Variants in CCDC9 observed in about 807,000 individuals in gnomAD.
CCDC9 encodes the protein coiled-coil domain-containing protein 9.
CCDC9 carries 52 observed loss-of-function variants against 65.6 expected under a neutral mutation model. That is an observed-to-expected ratio of 0.79 (90% CI 0.63 to 1.00). The LOEUF is 1.00. Ranked by LOEUF, CCDC9 falls within the 50% of genes least tolerant of loss-of-function variation. The pLI, the probability that CCDC9 is intolerant of heterozygous loss-of-function variation, is 0.00. For missense variants in CCDC9, 834 were observed against 757.2 expected, an observed-to-expected ratio of 1.10 and a Z score of -1.19; for synonymous variants, 332 against 280.3, an observed-to-expected ratio of 1.18 and a Z score of -1.84.
At chr19:47,275,081 C>T (rs540863961), downstream of CCDC9, 11 of 1,496,350 alleles carry the variant, frequency 7.4e-6, no homozygotes, top group South Asian at 3.8e-5. Flanking sequence ...ACGGTCTCAT[C>T]TGGGTACCCA....
rs771223569 is a variant in CCDC9 at position 47,271,611 on chromosome 19, C to T, written c.1529C>T (p.Ser510Phe). The change falls in exon 12 of 12, where the codon TCT becomes TTT. Residue 510 changes from serine to phenylalanine, a missense_variant. Ser to Phe is a radical substitution (Grantham distance 155). Transcript: ENST00000221922. Reference sequence around the variant, plus strand: ...TGGGGTGAAGAGGTGGAGCTGAATTCTCCCCGGACCACTCACCTGGCTGGC... The same window carrying T: ...TGGGGTGAAGAGGTGGAGCTGAATTTTCCCCGGACCACTCACCTGGCTGGC... ...SDWGEEVELN[S>F]PRTTHLAGAL... 1.9e-6 allele frequency: 3 copies of T among 1,610,972 alleles called. No individual in the cohort carries two copies. Among genetic ancestry groups the T allele is most frequent in the Middle Eastern group, 1.9e-4 (1 of 5,300 alleles).
downstream of CCDC9, chr19:47,275,273 C>T (rs1416131994): frequency 1.9e-6 from 3 of 1,544,042 alleles, no homozygotes; most frequent in East Asian, 7.5e-5. Context: ...GCCGCTACAG[C>T]GACCCTGACC....
chr19:47,263,229 G>A (rs1162870431), intron 5 of CCDC9, among the ~76,000 whole-genome samples: 4 of 152,114 alleles, frequency 2.6e-5, no homozygotes, highest in Non-Finnish European at 5.9e-5. Flanking sequence ...CTATGATTGC[G>A]GCAACCTTGG....
intron 8 of CCDC9, among the ~76,000 whole-genome samples, chr19:47,270,150 G>A (rs145833868): frequency 6.9e-4 from 105 of 152,034 alleles, no homozygotes; most frequent in African/African-American, 2.3e-3. Context: ...TGTATTTTTT[G>A]TAGAGGTGGG....
chr19:47,270,585 C>G lies in CCDC9; in HGVS notation c.982C>G (p.Pro328Ala), dbSNP rs762896813. ...GGCCTGGGCCCGGCCCCCGAAGCCC[C>G]CTACTTTTGGGGAGTTCCTGTCCCA... Reference protein sequence around the residue: ...DQAWARPPKPPTFGEFLSQHK... With the variant: ...DQAWARPPKPATFGEFLSQHK... The change falls in exon 10 of 12, where the codon CCT (proline) becomes GCT (alanine). Residue 328 changes from proline (P) to alanine (A), a missense_variant. By Grantham distance (27) the Pro-to-Ala change is conservative. Coordinates refer to ENST00000221922, the MANE Select transcript of CCDC9 (RefSeq NM_015603.3). 1.9e-6 allele frequency: 3 copies of G among 1,613,878 alleles called. No individual in the cohort carries two copies. Among genetic ancestry groups the G allele is most frequent in the Middle Eastern group, 1.7e-4 (1 of 5,806 alleles).
chr19:47,273,367 C>G (rs1296803329), downstream of CCDC9: 6 of 1,231,866 alleles, frequency 4.9e-6, no homozygotes, highest in Non-Finnish European at 6.1e-6. Flanking sequence ...AGGCAGGCCC[C>G]GAAGGCCAGG....
At chr19:47,273,351 C>T (rs1234100982), downstream of CCDC9, 8 of 1,231,594 alleles carry the variant, frequency 6.5e-6, no homozygotes, top group East Asian at 9.5e-5. Flanking sequence ...CCCCTTCTCT[C>T]CTCAGAGGCA....
At chr19:47,263,650 C>G (rs1270664102) in intron 5 of CCDC9, among the ~76,000 whole-genome samples, 1 of 152,072 alleles carries the variant, frequency 6.6e-6, no homozygotes, top group Non-Finnish European at 1.5e-5. Flanking sequence ...ACTGCAACCT[C>G]CGCCTTTTGG....
intron 5 of CCDC9, among the ~76,000 whole-genome samples, chr19:47,263,605 G>T (rs2059059851): frequency 6.6e-6 from 1 of 152,112 alleles, no homozygotes. Flanking sequence ...CACTCTTGTT[G>T]CCCAGGCTGG....
chr19:47,258,732 C>G, intron 3 of CCDC9, 69 bp downstream of exon 3: 1 of 1,203,904 alleles, frequency 8.3e-7, no homozygotes, highest in Non-Finnish European at 1.2e-6. Context: ...TCACCTCTCC[C>G]TTCCTTAAAA....
rs777804999 is a variant in CCDC9 at position 47,271,086 on chromosome 19, C to A, written c.1090C>A (p.His364Asn). Residue 364 changes from histidine (H) to asparagine (N), a missense_variant, in exon 11 of 12, where the codon CAT becomes AAT. By Grantham distance (68) the His-to-Asn change is moderately conservative (BLOSUM62 1). Coordinates refer to ENST00000221922, the MANE Select transcript of CCDC9 (RefSeq NM_015603.3). ...AKAAPRAYSD[H>N]DDRWETKEGA... ...CCCTCCCTCTGTTCCCTCTAGTGAC[C>A]ATGATGACCGCTGGGAGACAAAAGA... 6.5e-7 allele frequency: 1 copy of A among 1,549,954 alleles called. No homozygotes were observed. The highest frequency in any genetic ancestry group is 8.7e-7 in the Non-Finnish European group (1 of 1,148,322).
chr19:47,270,800 T>A (rs2059111888), intron 10 of CCDC9, 112 bp downstream of exon 10: 2 of 1,268,726 alleles, frequency 1.6e-6, no homozygotes, highest in Admixed American at 2.7e-5. Context: ...GTCTTTGTCT[T>A]GGCCCTGTCT....
At position 47,260,279 on chromosome 19, in the gene CCDC9, C is replaced by G. The variant is rs559321191; in HGVS notation, c.109-42C>G. 2.5e-4 allele frequency: 354 copies of G among 1,421,428 alleles called. 2 individuals are homozygous for G. In the South Asian group the frequency reaches 4.1e-3, roughly 16 times the overall value. The allele number at this position is 1,421,428 out of a possible 1,614,324, so 88.1% of individuals were successfully genotyped here. On this transcript the variant is annotated intron_variant, in intron 3 of 11. Coordinates refer to ENST00000221922, the MANE Select transcript of CCDC9 (RefSeq NM_015603.3). ...GGGGTCTGGGAGTCCGTCTGGCAGA[C>G]AGGGCACCTGATGCTTCCCTACCCC...
chr19:47,266,820 A>G, intron 8 of CCDC9, 28 bp downstream of exon 8: 1 of 1,584,570 alleles, frequency 6.3e-7, no homozygotes, highest in East Asian at 2.3e-5. Flanking sequence ...TCCTCTCCCC[A>G]TGTGGCACGT....
chr19:47,269,628 G>A (rs975149460), intron 8 of CCDC9, among the ~76,000 whole-genome samples: 26 of 152,064 alleles, frequency 1.7e-4, no homozygotes, highest in African/African-American at 5.6e-4. Flanking sequence ...GTGAGCCACC[G>A]TGCCCGGCCC....
In CCDC9 at chr19:47,258,594, G is replaced by T; in HGVS notation, c.39G>T (p.Lys13Asn). Residue 13 changes from lysine (K) to asparagine (N), a missense_variant, in exon 3 of 12, where the codon AAG becomes AAT. Coordinates refer to ENST00000221922, the MANE Select transcript of CCDC9 (RefSeq NM_015603.3). ...TCGATTTGAAATCAAAGGAGGAGAA[G>T]GATGCTGAGTTGGACAAGAGGATCG... is the stretch of plus-strand genomic sequence containing the variant. ...ATLDLKSKEEKDAELDKRIEA... is the reference protein window; with the variant it reads ...ATLDLKSKEENDAELDKRIEA... 6.2e-7 allele frequency: 1 copy of T among 1,614,154 alleles called. No homozygotes were observed. The highest frequency in any genetic ancestry group is 8.5e-7 in the Non-Finnish European group (1 of 1,180,002).
chr19:47,265,933 G>GCCT (rs1441009176), intron 7 of CCDC9, among the ~76,000 whole-genome samples: 1 of 135,394 alleles, frequency 7.4e-6, no homozygotes, highest in Non-Finnish European at 1.5e-5. Context: ...TGATCTGCCC[G>GCCT]CCTCAGCCTC....
At chr19:47,275,413 C>T, downstream of CCDC9, 1 of 1,499,310 alleles carries the variant, frequency 6.7e-7, no homozygotes, top group South Asian at 1.3e-5. Context: ...GCCGAGGATG[C>T]ACCGTCTCTG....
At chr19:47,274,060 C>T, downstream of CCDC9, 2 of 828,574 alleles carry the variant, frequency 2.4e-6, no homozygotes, top group Non-Finnish European at 2.9e-6. Flanking sequence ...TCTGGATTTC[C>T]AGGCTGTGTT....
Sources: gnomAD v4.1 joint callset for allele counts (sites outside exome capture counted in the v4.1 genomes callset) on GRCh38, gnomAD v4.1.1 for gene constraint, MANE v1.5 for transcripts, NCBI Gene and HGNC (gene_info 2026-07-23, HGNC 2026-07-21) for gene names.